GGH: variants seen among roughly 807,000 people sequenced by gnomAD.
GGH encodes the protein gamma-glutamyl hydrolase.
Under a neutral mutation model 39.2 loss-of-function variants are expected in GGH, and 18 were observed. The observed-to-expected ratio is 0.46, with a 90% CI of 0.32 to 0.68. The LOEUF is 0.68. Among genes scored for constraint, GGH ranks in the 30% least tolerant of loss-of-function variants. The probability of loss-of-function intolerance (pLI) is 0.04; values close to 1 mark genes in which losing one functional copy is unlikely to be tolerated. For missense variants in GGH, 367 were observed against 384.1 expected, an observed-to-expected ratio of 0.96 and a Z score of 0.37; for synonymous variants, 147 against 138.8, an observed-to-expected ratio of 1.06 and a Z score of -0.42.
chr8:63,027,289 A>C (rs1323340737), intron 3 of GGH, 24 bp from the exon 4 acceptor site: 1 of 1,349,520 alleles, frequency 7.4e-7, no homozygotes, highest in Non-Finnish European at 1.1e-6. Flanking sequence ...ACATAAATCA[A>C]ATAGGGTGTA....
At chr8:63,030,383 C>T (rs534182628) in intron 2 of GGH, among the ~76,000 whole-genome samples, 166 bp from the exon 3 acceptor site, 1 of 152,264 alleles carries the variant, frequency 6.6e-6, no homozygotes, top group African/African-American at 2.4e-5. Flanking sequence ...CACTTGAAAG[C>T]CACATCATTC....
At chr8:63,029,448 G>A (rs1310796211) in intron 3 of GGH, among the ~76,000 whole-genome samples, 2 of 152,016 alleles carry the variant, frequency 1.3e-5, no homozygotes, top group Non-Finnish European at 1.5e-5. Context: ...GATGGATTAC[G>A]GGGTGACTGT....
intron 1 of GGH, among the ~76,000 whole-genome samples, chr8:63,037,367 CCAGAAAGAGAAGTACAT>C (rs1804931815): frequency 6.6e-6 from 1 of 151,988 alleles, no homozygotes; most frequent in Non-Finnish European, 1.5e-5. Flanking sequence ...CACAAGGGTA[CCAGAAAGAGAAGTACAT>C]CAGAGTGAGT....
At chr8:63,024,230 A>G in intron 5 of GGH, 44 bp from the exon 6 acceptor site, 1 of 1,231,468 alleles carries the variant, frequency 8.1e-7, no homozygotes, top group South Asian at 1.3e-5. Flanking sequence ...AACACAAAAA[A>G]ATAAAATCCA....
intron 7 of GGH, 149 bp downstream of exon 7, chr8:63,023,758 A>G: frequency 2.1e-6 from 1 of 482,178 alleles, no homozygotes; most frequent in Non-Finnish European, 3.4e-6. Flanking sequence ...AATTTGAAAC[A>G]TGGACAAAAC....
rs747834361 is a variant in GGH, at chr8:63,036,887, TG to T, written c.110-1118del. Reference sequence around the variant, plus strand: ...TCACCACTTTGTTTAACTACCTCAGTGGGTCCCTAAACTTTAATAAACTCTG... The same window carrying T: ...TCACCACTTTGTTTAACTACCTCAGTGGTCCCTAAACTTTAATAAACTCTG... On this transcript the variant is annotated intron_variant, in intron 1 of 8. Transcript: ENST00000260118. Among the ~76,000 whole-genome samples, 98 of 152,334 alleles carry T rather than the reference TG, an allele frequency of 6.4e-4. 2 individuals are homozygous for T. The highest frequency in any genetic ancestry group is 7.3e-4 in the Non-Finnish European group (50 of 68,030).
chr8:63,015,744 G>A (rs1016431249), intron 8 of GGH, among the ~76,000 whole-genome samples: 9 of 151,946 alleles, frequency 5.9e-5, no homozygotes, highest in South Asian at 4.2e-4. Context: ...TGGCACAGTC[G>A]CGCATGGCCA....
chr8:63,033,859 G>C (rs11776425), intron 2 of GGH, among the ~76,000 whole-genome samples: 1 of 151,704 alleles, frequency 6.6e-6, no homozygotes, highest in Non-Finnish European at 1.5e-5. Context: ...ACTTATAAGT[G>C]AGAATATGTG....
At chr8:63,017,455 C>G in intron 8 of GGH, 38 bp downstream of exon 8, 5 of 1,492,948 alleles carry the variant, frequency 3.3e-6, no homozygotes, top group Non-Finnish European at 4.6e-6. Flanking sequence ...TTCTTCAAAA[C>G]TACCCCAGAA....
chr8:63,017,565 A>C lies in GGH; in HGVS notation c.763T>G (p.Leu255Val), dbSNP rs1285316701. The C allele has an allele frequency of 6.2e-7, 1 of 1,609,058 alleles. No individual in the cohort carries two copies. Among genetic ancestry groups the C allele is most frequent in the Admixed American group, 1.7e-5 (1 of 59,978 alleles). ...PEKAPYEWKN[L>V]DGISHAPNAV... ...TTAGGTGCATGGGAAATGCCATCCA[A>C]ATTCTTCCACTCATAAGGTGCTTTC... The change falls in exon 8 of 9, where the codon TTG (leucine) becomes GTG (valine). Residue 255 changes from leucine to valine, a missense_variant. Transcript: ENST00000260118.
intron 3 of GGH, among the ~76,000 whole-genome samples, chr8:63,029,057 A>C (rs933426450): frequency 1.3e-5 from 2 of 152,228 alleles, no homozygotes; most frequent in African/African-American, 4.8e-5. Flanking sequence ...CTGAAGGCAA[A>C]TAATTTTCTA....
intron 2 of GGH, among the ~76,000 whole-genome samples, chr8:63,031,489 G>A (rs920222073): frequency 6.6e-6 from 1 of 152,146 alleles, no homozygotes; most frequent in Non-Finnish European, 1.5e-5. Flanking sequence ...GAACCAGCCA[G>A]TCAGGACCCA....
chr8:63,024,360 T>A, intron 5 of GGH, 174 bp from the exon 6 acceptor site: 1 of 511,086 alleles, frequency 2.0e-6, no homozygotes, highest in Non-Finnish European at 3.5e-6. Flanking sequence ...AAAATGTGTT[T>A]AACATAAACT....
chr8:63,015,785 T>C (rs567047174), intron 8 of GGH, among the ~76,000 whole-genome samples: 91 of 152,212 alleles, frequency 6.0e-4, no homozygotes, highest in African/African-American at 1.9e-3. Flanking sequence ...CCCTGCAGCA[T>C]ATCCCATGCT....
At chr8:63,024,401 T>C (rs2129651655) in intron 5 of GGH, 1 of 429,172 alleles carries the variant, frequency 2.3e-6, no homozygotes, top group Non-Finnish European at 4.1e-6. Flanking sequence ...GTAATCTTCT[T>C]CTAGAATTTT....
chr8:63,020,164 G>C (rs1354084591), intron 7 of GGH, among the ~76,000 whole-genome samples: 2 of 152,152 alleles, frequency 1.3e-5, no homozygotes, highest in South Asian at 4.1e-4. Flanking sequence ...GACCAGTGCA[G>C]TTTCCTGAAA....
chr8:63,038,769 G>A lies in GGH; in HGVS notation c.-1C>T, dbSNP rs756079503. On this transcript the variant is annotated 5_prime_UTR_variant, in exon 1 of 9. Transcript: ENST00000260118. ...ACAGCAGGCAGCCCGGACTGGCCAT[G>A]GCGCTCGCCGCCTCCCGCCGCCTTT... 86 of 1,524,536 alleles carry A rather than the reference G, an allele frequency of 5.6e-5. No homozygotes were observed. The highest frequency in any genetic ancestry group is 7.5e-5 in the Non-Finnish European group (85 of 1,137,994). The allele number at this position is 1,524,536 out of a possible 1,614,324, so 94.4% of individuals were successfully genotyped here.
At chr8:63,018,539 G>A (rs1804528241) in intron 7 of GGH, among the ~76,000 whole-genome samples, 1 of 152,180 alleles carries the variant, frequency 6.6e-6, no homozygotes, top group South Asian at 2.1e-4. Context: ...GCAGGCCACA[G>A]AAGGGAAACA....
intron 2 of GGH, among the ~76,000 whole-genome samples, chr8:63,033,973 TTGTCTCTCCTTATATATATATATATA>T (rs1393243012): frequency 1.7e-5 from 2 of 119,686 alleles, no homozygotes; most frequent in Admixed American, 9.1e-5. Flanking sequence ...GCTCTGCCTT[TTGTCTCTCCTTATATATATATATATA>T]TGTCTCTCCT....
Sources: gnomAD v4.1 joint callset for allele counts (sites outside exome capture counted in the v4.1 genomes callset) on GRCh38, gnomAD v4.1.1 for gene constraint, MANE v1.5 for transcripts, NCBI Gene and HGNC (gene_info 2026-07-23, HGNC 2026-07-21) for gene names.